CALN1: variants seen among roughly 807,000 people sequenced by gnomAD.
CALN1 encodes the protein calcium-binding protein 8.
CALN1 carries 17 observed loss-of-function variants against 30.6 expected under a neutral mutation model. That is an observed-to-expected ratio of 0.56 (90% CI 0.38 to 0.83). The LOEUF is 0.83. CALN1 is among the 40% of genes least tolerant of loss of function. The probability of loss-of-function intolerance (pLI) is 0.00; values close to 1 mark genes in which losing one functional copy is unlikely to be tolerated. For synonymous variants in CALN1, 156 were observed against 131.4 expected (o/e 1.19, Z -1.28); for missense variants, 291 against 354.9 (o/e 0.82, Z 1.45).
At chr7:72,248,594 G>C (rs1795343452) in intron 3 of CALN1, among the ~76,000 whole-genome samples, 1 of 151,670 alleles carries the variant, frequency 6.6e-6, no homozygotes, top group Non-Finnish European at 1.5e-5. Flanking sequence ...CTCTTATAAG[G>C]ACACTTATCA....
intron 2 of CALN1, among the ~76,000 whole-genome samples, chr7:72,397,369 G>A (rs573405211): frequency 5.9e-5 from 9 of 152,176 alleles, no homozygotes; most frequent in Non-Finnish European, 1.0e-4. Context: ...GGCCACAGGA[G>A]TCAAAGTCAA....
intron 3 of CALN1, among the ~76,000 whole-genome samples, chr7:72,135,466 T>C (rs1384047798): frequency 6.6e-6 from 1 of 152,202 alleles, no homozygotes; most frequent in African/African-American, 2.4e-5. Context: ...ATTCATCTCC[T>C]TGTACATCTC....
intron 4 of CALN1, among the ~76,000 whole-genome samples, chr7:72,094,641 C>A (rs1485055296): frequency 6.6e-6 from 1 of 152,040 alleles, no homozygotes; most frequent in Non-Finnish European, 1.5e-5. Context: ...GAATTCAACA[C>A]GGTCAGTGTT....
At position 72,338,525 on chromosome 7, in the gene CALN1, G is replaced by GTGTGTGTGTC; in HGVS notation, c.120-59716_120-59715insGACACACACA. Among the ~76,000 whole-genome samples, 238 of 122,344 alleles carry GTGTGTGTGTC rather than the reference G, an allele frequency of 1.9e-3. 8 individuals are homozygous for GTGTGTGTGTC. The highest frequency in any genetic ancestry group is 8.5e-3 in the Middle Eastern group (2 of 236). The allele number at this position is 122,344 out of a possible 152,430, so 80.3% of individuals were successfully genotyped here. ...TGTGTGTGTGTGTGTGTGTGTGTGT[G>GTGTGTGTGTC]TGTCTCACCTGGGTGTGGTTTCAGA... On this transcript the variant is annotated intron_variant, in intron 2 of 6. Transcript: ENST00000395275.
intron 5 of CALN1, among the ~76,000 whole-genome samples, chr7:71,814,448 G>A (rs1788142865): frequency 6.6e-6 from 1 of 152,278 alleles, no homozygotes; most frequent in East Asian, 1.9e-4. Flanking sequence ...TCTCCCCTGG[G>A]GAGGGGAGGA....
chr7:72,177,756 A>AC (rs1562694018), intron 3 of CALN1, among the ~76,000 whole-genome samples: 1 of 151,156 alleles, frequency 6.6e-6, no homozygotes, highest in East Asian at 1.9e-4. Context: ...CAGAGGGAAA[A>AC]AAAAAAAAAA....
intron 4 of CALN1, among the ~76,000 whole-genome samples, chr7:72,087,992 G>T (rs1003279804): frequency 6.6e-6 from 1 of 152,010 alleles, no homozygotes; most frequent in Admixed American, 6.6e-5. Context: ...GTAAGACCCC[G>T]CCTCTACCAA....
chr7:72,219,602 C>G (rs1353130592), intron 3 of CALN1, among the ~76,000 whole-genome samples: 1 of 152,024 alleles, frequency 6.6e-6, no homozygotes, highest in African/African-American at 2.4e-5. Flanking sequence ...CTCCTTGATA[C>G]AATTTCCCAT....
intron 5 of CALN1, among the ~76,000 whole-genome samples, chr7:71,944,594 CAAAA>C (rs10677940): frequency 5.0e-5 from 3 of 60,022 alleles, no homozygotes; most frequent in African/African-American, 6.7e-5. Flanking sequence ...AACTCCATCC[CAAAA>C]AAAAAAAAAA....
At chr7:71,920,807 G>C (rs1794906781) in intron 5 of CALN1, among the ~76,000 whole-genome samples, 1 of 152,086 alleles carries the variant, frequency 6.6e-6, no homozygotes, top group Non-Finnish European at 1.5e-5. Context: ...GAACCTTGCG[G>C]CAATTTCTCA....
intron 3 of CALN1, among the ~76,000 whole-genome samples, chr7:72,185,391 G>A (rs113384413): frequency 2.0e-4 from 30 of 152,304 alleles, no homozygotes; most frequent in African/African-American, 7.0e-4. Context: ...AGATAGACCT[G>A]AAAACACAGA....
At chr7:72,408,021 C>T (rs1234475846) in intron 1 of CALN1, among the ~76,000 whole-genome samples, 1 of 152,124 alleles carries the variant, frequency 6.6e-6, no homozygotes, top group African/African-American at 2.4e-5. Context: ...TGCAAATATG[C>T]ACTGTATGGC....
At chr7:71,987,221 A>G (rs1192638499) in intron 5 of CALN1, among the ~76,000 whole-genome samples, 2 of 152,220 alleles carry the variant, frequency 1.3e-5, no homozygotes, top group African/African-American at 2.4e-5. Context: ...GATACATTTT[A>G]AAGGGGCAAC....
intron 5 of CALN1, among the ~76,000 whole-genome samples, chr7:71,882,458 T>C (rs997454151): frequency 6.6e-6 from 1 of 152,152 alleles, no homozygotes; most frequent in Non-Finnish European, 1.5e-5. Context: ...CATGGACATC[T>C]TGGAAGGGCC....
At chr7:72,469,618 C>T in the CALN1 span, among the ~76,000 whole-genome samples, 3 of 152,016 alleles carry the variant, frequency 2.0e-5, no homozygotes, top group African/African-American at 7.2e-5. Flanking sequence ...AGGCTGGTCT[C>T]GAACTCCTGA....
chr7:72,042,303 G>C (rs1802179194), intron 4 of CALN1, among the ~76,000 whole-genome samples: 2 of 152,142 alleles, frequency 1.3e-5, no homozygotes, highest in Admixed American at 1.3e-4. Flanking sequence ...TGTATGTGTA[G>C]CTATGATTTA....
the CALN1 span, among the ~76,000 whole-genome samples, chr7:72,492,711 G>A: frequency 2.6e-5 from 4 of 152,296 alleles, no homozygotes; most frequent in South Asian, 8.3e-4. Context: ...TCTGGACCTG[G>A]TCATTATCTG....
intron 4 of CALN1, among the ~76,000 whole-genome samples, chr7:72,062,916 T>A (rs1803766277): frequency 6.6e-6 from 1 of 152,202 alleles, no homozygotes; most frequent in Non-Finnish European, 1.5e-5. Flanking sequence ...TCTTTATGGA[T>A]AAATAATGCC....
intron 2 of CALN1, among the ~76,000 whole-genome samples, chr7:72,289,882 C>G (rs1199773122): frequency 6.6e-6 from 1 of 151,616 alleles, no homozygotes; most frequent in Non-Finnish European, 1.5e-5. Context: ...AGTTCAAGAC[C>G]AGCTGGGCAA....
Sources: gnomAD v4.1 joint callset for allele counts (sites outside exome capture counted in the v4.1 genomes callset) on GRCh38, gnomAD v4.1.1 for gene constraint, MANE v1.5 for transcripts, NCBI Gene and HGNC (gene_info 2026-07-23, HGNC 2026-07-21) for gene names.